WWOX: variants seen among roughly 807,000 people sequenced by gnomAD.
WWOX encodes WW domain-containing oxidoreductase.
A neutral mutation model predicts 46.2 loss-of-function variants in WWOX; 69 were observed. That is an observed-to-expected ratio of 1.49 (90% CI 1.23 to 1.82). WWOX has a LOEUF of 1.82. WWOX is among the 40% of genes most tolerant of loss of function. The pLI is 0.00. For missense variants in WWOX, 919 were observed against 542.6 expected (o/e 1.69, Z -6.89); for synonymous variants, 359 against 202.6 (o/e 1.77, Z -6.56).
intron 5 of WWOX, among the ~76,000 whole-genome samples, chr16:78,335,655 G>A (rs903976514): frequency 1.3e-5 from 2 of 152,168 alleles, no homozygotes; most frequent in African/African-American, 4.8e-5. Flanking sequence ...CATGTATGTT[G>A]ACTGCAGCAG....
chr16:78,504,615 C>G (rs992866977), intron 8 of WWOX, among the ~76,000 whole-genome samples: 2 of 152,182 alleles, frequency 1.3e-5, no homozygotes, highest in African/African-American at 4.8e-5. Flanking sequence ...ATCTTTCTTT[C>G]CCCTTTAGCA....
intron 8 of WWOX, among the ~76,000 whole-genome samples, chr16:78,878,714 C>T (rs1444401364): frequency 2.0e-5 from 3 of 151,826 alleles, no homozygotes; most frequent in African/African-American, 4.8e-5. Flanking sequence ...CCTGCAACAC[C>T]CAGTAGTCTG....
intron 8 of WWOX, among the ~76,000 whole-genome samples, chr16:78,698,264 G>C (rs2048141792): frequency 6.6e-6 from 1 of 152,150 alleles, no homozygotes; most frequent in African/African-American, 2.4e-5. Flanking sequence ...TGAGGTTCTT[G>C]AGTACTTTCA....
intron 5 of WWOX, among the ~76,000 whole-genome samples, chr16:78,374,546 T>C: frequency 1.0e-5 from 1 of 100,460 alleles, no homozygotes; most frequent in South Asian, 5.3e-4. Flanking sequence ...TTTTTTTTTT[T>C]TTTTTTTTTT....
chr16:79,081,697 G>C (rs989933161), intron 8 of WWOX, among the ~76,000 whole-genome samples: 1 of 152,096 alleles, frequency 6.6e-6, no homozygotes, highest in East Asian at 1.9e-4. Flanking sequence ...CCAAGACCAG[G>C]AATAGCCCAG....
chr16:78,418,074 A>G (rs1016109424), intron 6 of WWOX, among the ~76,000 whole-genome samples: 7 of 152,228 alleles, frequency 4.6e-5, no homozygotes, highest in African/African-American at 7.2e-5. Flanking sequence ...TAAAGAATTA[A>G]TACTGGCCGG....
At chr16:78,968,528 C>T (rs1347752844) in intron 8 of WWOX, among the ~76,000 whole-genome samples, 1 of 152,172 alleles carries the variant, frequency 6.6e-6, no homozygotes, top group Non-Finnish European at 1.5e-5. Flanking sequence ...AGCAACGGGA[C>T]ATTATGATGA....
At chr16:79,033,301 T>C (rs1004254257) in intron 8 of WWOX, among the ~76,000 whole-genome samples, 3 of 148,418 alleles carry the variant, frequency 2.0e-5, no homozygotes, top group Non-Finnish European at 4.5e-5. Context: ...TACACACATA[T>C]GTATATATGT....
At chr16:78,719,682 C>T (rs114314791) in intron 8 of WWOX, among the ~76,000 whole-genome samples, 1 of 152,154 alleles carries the variant, frequency 6.6e-6, no homozygotes, top group Non-Finnish European at 1.5e-5. Flanking sequence ...TTCATATATA[C>T]TTATTTCCTC....
chr16:79,147,387 A>C (rs1158057755), intron 8 of WWOX, among the ~76,000 whole-genome samples: 1 of 152,208 alleles, frequency 6.6e-6, no homozygotes, highest in East Asian at 1.9e-4. Flanking sequence ...TTCACTCGGT[A>C]CAATTCCGTG....
chr16:78,785,367 C>T (rs1033670443), intron 8 of WWOX, among the ~76,000 whole-genome samples: 1 of 152,150 alleles, frequency 6.6e-6, no homozygotes, highest in South Asian at 2.1e-4. Context: ...GGAAGAAACT[C>T]AGTTAAGGCT....
intron 5 of WWOX, among the ~76,000 whole-genome samples, chr16:78,326,583 C>CCA (rs2080626592): frequency 1.0e-5 from 1 of 96,968 alleles, no homozygotes; most frequent in African/African-American, 4.6e-5. Flanking sequence ...CCCCGCCCCC[C>CCA]CCCCCCGCAA....
At chr16:79,168,967 TAAAAA>T (rs2050648121) in intron 8 of WWOX, among the ~76,000 whole-genome samples, 1 of 152,248 alleles carries the variant, frequency 6.6e-6, no homozygotes, top group African/African-American at 2.4e-5. Flanking sequence ...TGGCCCACTG[TAAAAA>T]TCTTGATTCC....
intron 8 of WWOX, among the ~76,000 whole-genome samples, chr16:79,098,017 G>A (rs1254599640): frequency 6.6e-6 from 1 of 152,150 alleles, no homozygotes; most frequent in African/African-American, 2.4e-5. Context: ...GCATTAATAT[G>A]TCTGGAACAT....
intron 8 of WWOX, among the ~76,000 whole-genome samples, chr16:78,687,439 T>C (rs1047591143): frequency 6.6e-6 from 1 of 152,210 alleles, no homozygotes; most frequent in Admixed American, 6.5e-5. Flanking sequence ...GATAAATATT[T>C]ATCACGGTTA....
chr16:78,738,443 C>T (rs528531761), intron 8 of WWOX, among the ~76,000 whole-genome samples: 8 of 152,056 alleles, frequency 5.3e-5, no homozygotes, highest in African/African-American at 1.9e-4. Context: ...TTCAGGTGGC[C>T]AATGAAGTGT....
chr16:79,163,130 G>A (rs28627175), intron 8 of WWOX, among the ~76,000 whole-genome samples: 3,897 of 152,246 alleles, frequency 0.026, 185 homozygotes, highest in African/African-American at 0.09. Context: ...ATGGCTCATT[G>A]TGTGTGTTTA....
In WWOX at chr16:79,079,506, G is replaced by C. The variant is rs78386584; in HGVS notation, c.1057-132102G>C. Among the ~76,000 whole-genome samples the C allele has an allele frequency of 2.1e-3, 327 of 152,270 alleles. 4 individuals carry two copies. The highest frequency in any genetic ancestry group is 7.6e-3 in the African/African-American group (316 of 41,538). The stretch of plus-strand genomic sequence containing the variant: ...TAGAGGTTGTTTGCCCCAACCCCCT[G>C]TTACATTCTTGAACCATATGTTTCC... On this transcript the variant is annotated intron_variant, in intron 8 of 8. Coordinates refer to ENST00000566780, the MANE Select transcript of WWOX (RefSeq NM_016373.4).
intron 8 of WWOX, among the ~76,000 whole-genome samples, chr16:78,575,024 T>TAA (rs2044826225): frequency 2.6e-3 from 9 of 3,414 alleles, no homozygotes; most frequent in East Asian, 0.017. Context: ...TATATATAAA[T>TAA]ATATATATAT....
Sources: gnomAD v4.1 joint callset for allele counts (sites outside exome capture counted in the v4.1 genomes callset) on GRCh38, gnomAD v4.1.1 for gene constraint, MANE v1.5 for transcripts, NCBI Gene and HGNC (gene_info 2026-07-23, HGNC 2026-07-21) for gene names.